Variants in GABRB2 observed in about 807,000 individuals in gnomAD.
The protein encoded by GABRB2 is gamma-aminobutyric acid type A receptor subunit beta2, also known as gamma-aminobutyric acid receptor subunit beta-2.
Under a neutral mutation model 54.7 loss-of-function variants are expected in GABRB2, and 16 were observed. That is an observed-to-expected ratio of 0.29 (90% CI 0.20 to 0.44). The LOEUF (loss-of-function observed/expected upper bound fraction) is 0.44. Among genes scored for constraint, GABRB2 ranks in the 20% least tolerant of loss-of-function variants. GABRB2 has a pLI of 1.00. For missense variants in GABRB2, 355 were observed against 644.0 expected (o/e 0.55, Z 4.86); for synonymous variants, 244 against 233.8 (o/e 1.04, Z -0.40).
intron 5 of GABRB2, among the ~76,000 whole-genome samples, chr5:161,361,418 T>C (rs1424550873): frequency 6.6e-6 from 1 of 152,154 alleles, no homozygotes; most frequent in Non-Finnish European, 1.5e-5. Flanking sequence ...TATAATTGCA[T>C]GATATCTATG....
At chr5:161,470,310 C>T (rs1031191563) in intron 3 of GABRB2, among the ~76,000 whole-genome samples, 2 of 151,874 alleles carry the variant, frequency 1.3e-5, no homozygotes, top group Non-Finnish European at 2.9e-5. Context: ...CCATGAGGGA[C>T]ACGTATCAAG....
intron 8 of GABRB2, 71 bp from the exon 9 acceptor site, chr5:161,326,552 T>C (rs1758369736): frequency 6.6e-7 from 1 of 1,507,642 alleles, no homozygotes; most frequent in Admixed American, 2.1e-5. Context: ...ATGGTTAAAG[T>C]AAATTGGATA....
intron 4 of GABRB2, among the ~76,000 whole-genome samples, chr5:161,458,956 G>A (rs1310335009): frequency 2.0e-5 from 3 of 151,808 alleles, no homozygotes; most frequent in African/African-American, 7.3e-5. Context: ...TGTTTTCAGA[G>A]AAAGATATAT....
At chr5:161,361,417 A>G (rs1478935885) in intron 5 of GABRB2, among the ~76,000 whole-genome samples, 2 of 152,120 alleles carry the variant, frequency 1.3e-5, no homozygotes, top group East Asian at 3.9e-4. Context: ...ATATAATTGC[A>G]TGATATCTAT....
At chr5:161,369,714 T>C (rs1036667690) in intron 5 of GABRB2, among the ~76,000 whole-genome samples, 13 of 152,244 alleles carry the variant, frequency 8.5e-5, no homozygotes, top group African/African-American at 3.1e-4. Context: ...TCATAACAGG[T>C]TTGCTATATT....
chr5:161,530,209 A>G (rs913881549), intron 3 of GABRB2, among the ~76,000 whole-genome samples: 1 of 152,144 alleles, frequency 6.6e-6, no homozygotes, highest in Admixed American at 6.6e-5. Context: ...GAACATGAAC[A>G]ATTAAGACGT....
chr5:161,522,832 A>T (rs1760158644), intron 3 of GABRB2, among the ~76,000 whole-genome samples: 1 of 151,460 alleles, frequency 6.6e-6, no homozygotes, highest in South Asian at 2.1e-4. Flanking sequence ...ATTAAATTTT[A>T]ATGTGTTTTT....
chr5:161,351,529 G>A (rs1410455364), intron 5 of GABRB2, among the ~76,000 whole-genome samples: 1 of 151,964 alleles, frequency 6.6e-6, no homozygotes, highest in Non-Finnish European at 1.5e-5. Flanking sequence ...CTTGTTCCAT[G>A]CCAGATACAA....
At chr5:161,507,915 A>T (rs1759656726) in intron 3 of GABRB2, among the ~76,000 whole-genome samples, 1 of 152,048 alleles carries the variant, frequency 6.6e-6, no homozygotes, top group Admixed American at 6.6e-5. Context: ...GTGAAAATGA[A>T]GGGACCATTT....
At chr5:161,464,451 A>G (rs760011013) in intron 3 of GABRB2, among the ~76,000 whole-genome samples, 7 of 152,116 alleles carry the variant, frequency 4.6e-5, no homozygotes, top group Non-Finnish European at 1.5e-5. Context: ...GACAATTCCG[A>G]GTGCTGGTGA....
chr5:161,544,034 A>C (rs1035120443), intron 3 of GABRB2, among the ~76,000 whole-genome samples: 2 of 152,212 alleles, frequency 1.3e-5, no homozygotes, highest in Non-Finnish European at 2.9e-5. Context: ...TCTCGGGATT[A>C]TCTCTTATCT....
intron 5 of GABRB2, among the ~76,000 whole-genome samples, chr5:161,406,696 C>T (rs17059431): frequency 0.18 from 26,877 of 151,858 alleles, 3,455 homozygotes; most frequent in African/African-American, 0.36. Flanking sequence ...AAGGGAGTGA[C>T]TTTGCCAGTG....
At chr5:161,436,717 A>G (rs978278370) in intron 4 of GABRB2, among the ~76,000 whole-genome samples, 1 of 152,162 alleles carries the variant, frequency 6.6e-6, no homozygotes, top group African/African-American at 2.4e-5. Flanking sequence ...TTACCTTCAT[A>G]TTGCTGAAAG....
chr5:161,459,467 C>G (rs1342286852), intron 4 of GABRB2, 157 bp downstream of exon 4: 1 of 650,380 alleles, frequency 1.5e-6, no homozygotes. Context: ...TGTAAGCATG[C>G]TACCTTAAGC....
chr5:161,377,508 T>C (rs1475450870), intron 5 of GABRB2, among the ~76,000 whole-genome samples: 2 of 152,148 alleles, frequency 1.3e-5, no homozygotes, highest in African/African-American at 4.8e-5. Flanking sequence ...AAAATCATTC[T>C]ACCTGAAAAG....
At chr5:161,300,591 A>G (rs573706782) in intron 9 of GABRB2, among the ~76,000 whole-genome samples, 2 of 152,310 alleles carry the variant, frequency 1.3e-5, no homozygotes, top group South Asian at 2.1e-4. Flanking sequence ...TGACTCAGGT[A>G]GTGGTTTGGT....
chr5:161,457,993 A>G (rs1490800120), intron 4 of GABRB2, among the ~76,000 whole-genome samples: 3 of 152,294 alleles, frequency 2.0e-5, no homozygotes, highest in East Asian at 1.9e-4. Flanking sequence ...TATGATGGAC[A>G]AAATGCATCC....
chr5:161,472,933 C>A (rs971109091), intron 3 of GABRB2, among the ~76,000 whole-genome samples: 1 of 151,848 alleles, frequency 6.6e-6, no homozygotes, highest in Non-Finnish European at 1.5e-5. Context: ...TTACCAATTT[C>A]ATGTGGTTCA....
chr5:161,419,840 A>G (rs1446228060), intron 4 of GABRB2, among the ~76,000 whole-genome samples: 1 of 152,206 alleles, frequency 6.6e-6, no homozygotes, highest in Non-Finnish European at 1.5e-5. Context: ...GTGAGGGTTG[A>G]CAAATTACCT....
Sources: allele counts gnomAD v4.1 joint callset (sites outside exome capture counted in the v4.1 genomes callset), GRCh38; gene constraint gnomAD v4.1.1; transcripts MANE v1.5; gene names NCBI Gene and HGNC (gene_info 2026-07-23, HGNC 2026-07-21).